TDRP: variants seen among roughly 807,000 people sequenced by gnomAD.
TDRP encodes testis development-related protein.
In TDRP, 12 loss-of-function variants were observed where a neutral mutation model predicts 10.5. That is an observed-to-expected ratio of 1.15 (90% CI 0.73 to 1.86). The LOEUF (loss-of-function observed/expected upper bound fraction) is 1.86. TDRP is among the 40% of genes most tolerant of loss of function. The probability of loss-of-function intolerance (pLI) is 0.00; values close to 1 mark genes in which losing one functional copy is unlikely to be tolerated. For missense variants in TDRP, 353 were observed against 229.2 expected, an observed-to-expected ratio of 1.54 and a Z score of -3.49; for synonymous variants, 139 against 95.4, an observed-to-expected ratio of 1.46 and a Z score of -2.67.
intron 1 of TDRP, among the ~76,000 whole-genome samples, chr8:533,963 C>T (rs1268828733): frequency 1.3e-5 from 2 of 152,244 alleles, no homozygotes; most frequent in African/African-American, 4.8e-5. Context: ...GTCATGTTTA[C>T]TGTATTGAAA....
At chr8:499,642 T>A (rs1418774310) in intron 1 of TDRP, among the ~76,000 whole-genome samples, 1 of 152,048 alleles carries the variant, frequency 6.6e-6, no homozygotes, top group Non-Finnish European at 1.5e-5. Flanking sequence ...GCGTGAGGAG[T>A]GCTGTGAGGC....
At chr8:527,878 G>A (rs1379684739) in intron 1 of TDRP, among the ~76,000 whole-genome samples, 1 of 152,080 alleles carries the variant, frequency 6.6e-6, no homozygotes. Context: ...TACCCCACAA[G>A]CACAGGTAAC....
At chr8:495,875 T>C (rs1212100614) in intron 1 of TDRP, among the ~76,000 whole-genome samples, 1 of 152,188 alleles carries the variant, frequency 6.6e-6, no homozygotes, top group Non-Finnish European at 1.5e-5. Flanking sequence ...GAGATGACCC[T>C]GAAAACTAAC....
intron 1 of TDRP, among the ~76,000 whole-genome samples, chr8:528,374 G>C (rs1257206107): frequency 6.6e-6 from 1 of 152,056 alleles, no homozygotes; most frequent in Non-Finnish European, 1.5e-5. Context: ...ACTAAAAATA[G>C]AACTACCATA....
intron 1 of TDRP, among the ~76,000 whole-genome samples, chr8:542,429 G>C (rs927806103): frequency 2.6e-5 from 4 of 152,062 alleles, no homozygotes; most frequent in South Asian, 2.1e-4. Context: ...CCATTCTGTG[G>C]GGGTGATGAT....
At chr8:542,434 G>C (rs543215598) in intron 1 of TDRP, among the ~76,000 whole-genome samples, 60 of 152,168 alleles carry the variant, frequency 3.9e-4, no homozygotes, top group African/African-American at 1.4e-3. Context: ...CTGTGGGGGT[G>C]ATGATAGTGG....
rs374893630 is a variant in TDRP, at chr8:494,503, T to C, written c.203A>G (p.Lys68Arg). Residue 68 changes from lysine to arginine, a missense_variant, in exon 2 of 3, where the codon AAG becomes AGG. Transcript: ENST00000324079. ...CACAGTTATGACTTACCCTTTGGAC[T>C]TGGGAGATTTACATCTTTCCAGGAG... ...QHLLERCKSP[K>R]SKGTNLRLKE... 3 of 1,613,844 alleles carry C rather than the reference T, an allele frequency of 1.9e-6. No homozygotes were observed. The highest frequency in any genetic ancestry group is 1.1e-5 in the South Asian group (1 of 91,072).
chr8:535,418 G>T (rs1184479011), intron 1 of TDRP, among the ~76,000 whole-genome samples: 5 of 152,096 alleles, frequency 3.3e-5, no homozygotes, highest in African/African-American at 9.7e-5. Context: ...GCTAACGTGG[G>T]GTGAAGGATC....
chr8:532,160 TCCACTAAC>T (rs1221327179), intron 1 of TDRP, among the ~76,000 whole-genome samples: 6 of 152,184 alleles, frequency 3.9e-5, no homozygotes, highest in Non-Finnish European at 8.8e-5. Context: ...GTGCACCACA[TCCACTAAC>T]CTCTGTGAAG....
chr8:497,337 T>G (rs905490318), intron 1 of TDRP, among the ~76,000 whole-genome samples: 1 of 152,212 alleles, frequency 6.6e-6, no homozygotes, highest in Non-Finnish European at 1.5e-5. Flanking sequence ...AAGGTCCCTC[T>G]TGCTTTGCCT....
At position 492,438 on chromosome 8, in the gene TDRP, A is replaced by C. The variant is rs1210413873; in HGVS notation, c.519T>G (p.Ser173Arg). 6.3e-7 allele frequency: 1 copy of C among 1,584,282 alleles called. No homozygotes were observed. Among genetic ancestry groups the C allele is most frequent in the Non-Finnish European group, 8.6e-7 (1 of 1,161,374 alleles). ...CCGGGCTATCTGTCAGGTGGCCTTT[A>C]CTCTGCCGTCGGATGCTCACCAGCC... ...AGRLVSIRRQ[S>R]KGHLTDSPEE... The change falls in exon 3 of 3, where the codon AGT becomes AGG. Residue 173 changes from serine (S) to arginine (R), a missense_variant. Transcript: ENST00000324079.
chr8:493,692 G>C (rs1294710376), intron 2 of TDRP, among the ~76,000 whole-genome samples: 2 of 152,228 alleles, frequency 1.3e-5, no homozygotes, highest in African/African-American at 4.8e-5. Context: ...AGCAAGGTCA[G>C]TTTAAATGTA....
At chr8:512,027 A>T (rs183009766) in intron 1 of TDRP, among the ~76,000 whole-genome samples, 66 of 152,316 alleles carry the variant, frequency 4.3e-4, no homozygotes, top group African/African-American at 1.5e-3. Context: ...ACTAAACCTA[A>T]AGGAAGCAAA....
chr8:505,997 A>G (rs952951534), intron 1 of TDRP, among the ~76,000 whole-genome samples: 1 of 152,140 alleles, frequency 6.6e-6, no homozygotes, highest in African/African-American at 2.4e-5. Flanking sequence ...GTGGGCATGG[A>G]CATCACTGTG....
Position 526,387 on chromosome 8 carries a change from C to T in TDRP, c.108+18263G>A, listed in dbSNP as rs889674757. On this transcript the variant is annotated intron_variant, in intron 1 of 2. Coordinates refer to ENST00000324079, the MANE Select transcript of TDRP (RefSeq NM_001384899.1). ...GGCTATTATTATGTGGAGTTATGTT[C>T]CTTCTATACAGTTTTTTGAGCGTTC... 4.6e-5 allele frequency among the ~76,000 whole-genome samples: 7 copies of T among 152,186 alleles called. No individual in the cohort carries two copies. The East Asian group carries it at 1.4e-3, about 29-fold the overall frequency.
chr8:513,536 C>G (rs1584866591), intron 1 of TDRP, among the ~76,000 whole-genome samples: 1 of 152,178 alleles, frequency 6.6e-6, no homozygotes, highest in African/African-American at 2.4e-5. Flanking sequence ...GAAAATATCT[C>G]AGCTAACACA....
At chr8:512,168 G>A (rs1433839021) in intron 1 of TDRP, among the ~76,000 whole-genome samples, 3 of 151,908 alleles carry the variant, frequency 2.0e-5, no homozygotes, top group Admixed American at 6.6e-5. Context: ...GCTCACACCT[G>A]TAATCCCAGC....
chr8:522,159 T>C (rs1021889269), intron 1 of TDRP, among the ~76,000 whole-genome samples: 1 of 152,212 alleles, frequency 6.6e-6, no homozygotes, highest in Non-Finnish European at 1.5e-5. Context: ...CAGTCCCCTA[T>C]TTACATTGTG....
At chr8:522,337 T>C (rs1801927418) in intron 1 of TDRP, among the ~76,000 whole-genome samples, 2 of 152,298 alleles carry the variant, frequency 1.3e-5, no homozygotes, top group Middle Eastern at 3.4e-3. Flanking sequence ...CTCAGTTGTA[T>C]GTAAGAAAAC....
Sources: gnomAD v4.1 joint callset for allele counts (sites outside exome capture counted in the v4.1 genomes callset) on GRCh38, gnomAD v4.1.1 for gene constraint, MANE v1.5 for transcripts, NCBI Gene and HGNC (gene_info 2026-07-23, HGNC 2026-07-21) for gene names.